Variants in NR3C2 observed in about 807,000 individuals in gnomAD.
The protein encoded by NR3C2 is mineralocorticoid receptor.
In NR3C2, 15 loss-of-function variants were observed where a neutral mutation model predicts 86.4. The observed-to-expected ratio is 0.17, with a 90% CI of 0.12 to 0.27. The LOEUF (loss-of-function observed/expected upper bound fraction) is 0.27. Among genes scored for constraint, NR3C2 ranks in the 10% least tolerant of loss-of-function variants. NR3C2 has a pLI of 1.00. For synonymous variants in NR3C2, 458 were observed against 450.5 expected, an observed-to-expected ratio of 1.02 and a Z score of -0.21; for missense variants, 960 against 1,195.6, an observed-to-expected ratio of 0.80 and a Z score of 2.91.
chr4:148,276,006 A>T (rs1317018204), intron 2 of NR3C2, among the ~76,000 whole-genome samples: 1 of 152,206 alleles, frequency 6.6e-6, no homozygotes, highest in Non-Finnish European at 1.5e-5. Context: ...AAAATTCCAT[A>T]GTACTATTTA....
rs534584299 is a variant in NR3C2 at position 148,327,544 on chromosome 4, C to T, written c.1758-67427G>A. Among the ~76,000 whole-genome samples the T allele has an allele frequency of 2.6e-5, 4 of 152,268 alleles. No homozygotes were observed. The South Asian group carries it at 8.3e-4, about 32-fold the overall frequency. ...CCTGTTCTTCCCCATAGTCAGTAAT[C>T]AGTTGATAACATCCAGGCACTGGAG... On this transcript the variant is annotated intron_variant, in intron 2 of 8. Coordinates refer to ENST00000358102, the MANE Select transcript of NR3C2 (RefSeq NM_000901.5).
At chr4:148,371,727 T>C (rs1399489120) in intron 2 of NR3C2, among the ~76,000 whole-genome samples, 2 of 152,180 alleles carry the variant, frequency 1.3e-5, no homozygotes, top group African/African-American at 4.8e-5. Context: ...AAACAGTACC[T>C]GACTTAATCC....
At chr4:148,299,912 G>A (rs1384767453) in intron 2 of NR3C2, among the ~76,000 whole-genome samples, 1 of 152,098 alleles carries the variant, frequency 6.6e-6, no homozygotes, top group Non-Finnish European at 1.5e-5. Context: ...ACTAGACCAG[G>A]ACCCCAGCTA....
chr4:148,187,514 G>A (rs900315853), intron 4 of NR3C2, among the ~76,000 whole-genome samples: 1 of 152,006 alleles, frequency 6.6e-6, no homozygotes, highest in African/African-American at 2.4e-5. Context: ...TTCGAGAATT[G>A]TGTATTCATG....
intron 1 of NR3C2, among the ~76,000 whole-genome samples, chr4:148,440,506 TCTAA>T (rs902379444): frequency 3.9e-5 from 6 of 152,180 alleles, no homozygotes; most frequent in Non-Finnish European, 5.9e-5. Flanking sequence ...GGTATACAAA[TCTAA>T]CTAACAAAAA....
chr4:148,392,758 T>C (rs912399835), intron 2 of NR3C2, among the ~76,000 whole-genome samples: 1 of 152,236 alleles, frequency 6.6e-6, no homozygotes, highest in African/African-American at 2.4e-5. Context: ...TAAAATACTG[T>C]AACAGAAGCT....
intron 2 of NR3C2, among the ~76,000 whole-genome samples, chr4:148,384,290 G>C (rs545929225): frequency 6.6e-6 from 1 of 152,024 alleles, no homozygotes; most frequent in South Asian, 2.1e-4. Context: ...AGAATACTTA[G>C]TAGTGATTTT....
upstream of NR3C2, chr4:148,444,321 A>T: frequency 1.0e-6 from 1 of 985,420 alleles, no homozygotes; most frequent in Non-Finnish European, 1.2e-6. Context: ...GTGCAGGGGC[A>T]GCCGCCGCGA....
At chr4:148,112,293 CAT>C (rs1054867935) in intron 8 of NR3C2, among the ~76,000 whole-genome samples, 1 of 152,188 alleles carries the variant, frequency 6.6e-6, no homozygotes, top group African/African-American at 2.4e-5. Context: ...CAGAATGTTT[CAT>C]CTATAATCAC....
intron 2 of NR3C2, among the ~76,000 whole-genome samples, chr4:148,372,057 C>T (rs1746448698): frequency 1.3e-5 from 2 of 152,022 alleles, no homozygotes; most frequent in Admixed American, 1.3e-4. Flanking sequence ...AATCTCATGT[C>T]CATAATTTTA....
intron 4 of NR3C2, among the ~76,000 whole-genome samples, chr4:148,167,099 G>A (rs1487060394): frequency 6.6e-6 from 1 of 152,116 alleles, no homozygotes; most frequent in Non-Finnish European, 1.5e-5. Context: ...GCTGCATGTG[G>A]TGATTTTCAC....
intron 4 of NR3C2, among the ~76,000 whole-genome samples, chr4:148,193,348 G>A (rs550712955): frequency 5.3e-4 from 80 of 152,298 alleles, no homozygotes; most frequent in African/African-American, 1.7e-3. Flanking sequence ...CAGGTCCTCC[G>A]GGAGCAGTCC....
intron 2 of NR3C2, among the ~76,000 whole-genome samples, chr4:148,319,393 G>T (rs1271697142): frequency 6.6e-6 from 1 of 152,134 alleles, no homozygotes; most frequent in Non-Finnish European, 1.5e-5. Flanking sequence ...CTTTCAAGTA[G>T]TTTTTTCCAA....
At chr4:148,110,241 T>C (rs1430010992) in intron 8 of NR3C2, among the ~76,000 whole-genome samples, 1 of 152,198 alleles carries the variant, frequency 6.6e-6, no homozygotes, top group Non-Finnish European at 1.5e-5. Flanking sequence ...TCAGAGAATG[T>C]TCCTTTCACC....
At chr4:148,429,239 C>T (rs1749689522) in intron 2 of NR3C2, among the ~76,000 whole-genome samples, 1 of 152,158 alleles carries the variant, frequency 6.6e-6, no homozygotes, top group Non-Finnish European at 1.5e-5. Context: ...ACTTACGAGC[C>T]AAATTTCAGT....
intron 3 of NR3C2, among the ~76,000 whole-genome samples, chr4:148,203,098 C>T (rs887169748): frequency 6.6e-6 from 1 of 151,978 alleles, no homozygotes; most frequent in African/African-American, 2.4e-5. Context: ...TTATAAAAAT[C>T]GTTTGATATT....
chr4:148,428,602 TAGG>T (rs1339949861), intron 2 of NR3C2, among the ~76,000 whole-genome samples: 2 of 152,216 alleles, frequency 1.3e-5, no homozygotes, highest in African/African-American at 4.8e-5. Context: ...TCCTTGATGC[TAGG>T]AGTTCTCTAT....
chr4:148,353,635 G>A (rs1745407857), intron 2 of NR3C2, among the ~76,000 whole-genome samples: 1 of 152,108 alleles, frequency 6.6e-6, no homozygotes, highest in African/African-American at 2.4e-5. Flanking sequence ...TGATGAATGA[G>A]TTTTACTTTT....
Position 148,305,022 on chromosome 4 carries a change from T to TA in NR3C2, c.1758-44906dup, listed in dbSNP as rs56203707. 1.1e-3 allele frequency among the ~76,000 whole-genome samples: 160 copies of TA among 148,412 alleles called. 1 individual carries two copies. The East Asian group carries it at 0.016, about 15-fold the overall frequency. ...CCAGGTTTTAGCTGAACTAACGAGT[T>TA]AAAAAAAAAAATCCATCATCATCGC... On this transcript the variant is annotated intron_variant, in intron 2 of 8. Coordinates refer to ENST00000358102, the MANE Select transcript of NR3C2 (RefSeq NM_000901.5).
Sources: gnomAD v4.1 joint callset for allele counts (sites outside exome capture counted in the v4.1 genomes callset) on GRCh38, gnomAD v4.1.1 for gene constraint, MANE v1.5 for transcripts, NCBI Gene and HGNC (gene_info 2026-07-23, HGNC 2026-07-21) for gene names.